SPAG16: variants seen among roughly 807,000 people sequenced by gnomAD.
The protein encoded by SPAG16 is sperm associated antigen 16.
SPAG16 carries 86 observed loss-of-function variants against 80.4 expected under a neutral mutation model. That is an observed-to-expected ratio of 1.07 (90% CI 0.90 to 1.28). The LOEUF is 1.28. Ranked by LOEUF, SPAG16 falls within the 50% of genes most tolerant of loss-of-function variation. SPAG16 has a pLI of 0.00. For synonymous variants in SPAG16, 294 were observed against 265.9 expected, an observed-to-expected ratio of 1.11 and a Z score of -1.03; for missense variants, 870 against 765.3, an observed-to-expected ratio of 1.14 and a Z score of -1.61.
In SPAG16 at chr2:213,340,843, G is replaced by T. The variant is rs551910988; in HGVS notation, c.644+573G>T. Among the ~76,000 whole-genome samples, 15 of 152,134 alleles carry T rather than the reference G, an allele frequency of 9.9e-5. No individual in the cohort carries two copies. In the South Asian group the frequency reaches 2.9e-3, roughly 29 times the overall value. On this transcript the variant is annotated intron_variant, in intron 6 of 15. Coordinates refer to ENST00000331683, the MANE Select transcript of SPAG16 (RefSeq NM_024532.5). ...TTACCTTCCTCCCCTACAAAAACAA[G>T]AAAATAAATTTACAATCCTTAAATA...
chr2:214,012,922 G>T (rs563298440), intron 12 of SPAG16, among the ~76,000 whole-genome samples: 62 of 152,292 alleles, frequency 4.1e-4, no homozygotes, highest in African/African-American at 1.3e-3. Context: ...AACACAGATT[G>T]CTGGGGCCTC....
chr2:213,294,261 C>T (rs1327540824), intron 1 of SPAG16, among the ~76,000 whole-genome samples: 2 of 152,084 alleles, frequency 1.3e-5, no homozygotes, highest in Non-Finnish European at 2.9e-5. Context: ...TAAGAAGTAA[C>T]AGAGTAGCTT....
intron 15 of SPAG16, among the ~76,000 whole-genome samples, chr2:214,392,355 C>A (rs1701133905): frequency 6.6e-6 from 1 of 151,938 alleles, no homozygotes; most frequent in Admixed American, 6.6e-5. Context: ...TGAGTCTCAC[C>A]ATGTTGGCCA....
intron 10 of SPAG16, among the ~76,000 whole-genome samples, chr2:213,552,910 C>A (rs756338967): frequency 6.6e-6 from 1 of 152,048 alleles, no homozygotes; most frequent in Non-Finnish European, 1.5e-5. Context: ...ACATCAAATT[C>A]TTTGGCTTTT....
chr2:213,388,523 A>C (rs57668640), intron 9 of SPAG16, among the ~76,000 whole-genome samples: 12,662 of 152,244 alleles, frequency 0.083, 1,753 homozygotes, highest in African/African-American at 0.29. Flanking sequence ...CTGAGAAAAC[A>C]GTAAGGTTAC....
At chr2:213,531,359 A>AGTGTGT (rs56011234) in intron 10 of SPAG16, among the ~76,000 whole-genome samples, 17,638 of 141,940 alleles carry the variant, frequency 0.12, 1,130 homozygotes, top group South Asian at 0.16. Context: ...AAAAGATGTG[A>AGTGTGT]GTGTGTGTGT....
At chr2:214,043,208 C>A (rs2049129053) in intron 13 of SPAG16, among the ~76,000 whole-genome samples, 1 of 151,594 alleles carries the variant, frequency 6.6e-6, no homozygotes, top group Non-Finnish European at 1.5e-5. Context: ...TTATGAAACA[C>A]CCTCATTTAA....
At chr2:213,513,620 T>A (rs2075315222) in intron 10 of SPAG16, among the ~76,000 whole-genome samples, 1 of 152,112 alleles carries the variant, frequency 6.6e-6, no homozygotes, top group Non-Finnish European at 1.5e-5. Flanking sequence ...GGATGGGAGT[T>A]TTATGGCCAG....
intron 13 of SPAG16, among the ~76,000 whole-genome samples, chr2:214,059,224 A>G (rs1230414468): frequency 8.3e-4 from 57 of 68,896 alleles, no homozygotes; most frequent in African/African-American, 1.3e-3. Context: ...ATGTATGTGT[A>G]TATATATATA....
chr2:214,105,914 A>G (rs1157752847), intron 13 of SPAG16, among the ~76,000 whole-genome samples: 1 of 152,276 alleles, frequency 6.6e-6, no homozygotes, highest in East Asian at 1.9e-4. Context: ...TCTTCGAGTC[A>G]GGTTTTGTTA....
At chr2:213,412,053 G>C (rs564932911) in intron 9 of SPAG16, among the ~76,000 whole-genome samples, 5 of 151,576 alleles carry the variant, frequency 3.3e-5, no homozygotes, top group Admixed American at 6.6e-5. Flanking sequence ...AACCTTTTTC[G>C]TTTCCCTGAC....
chr2:213,364,162 A>T lies in SPAG16; in HGVS notation c.832+17A>T, dbSNP rs749221128. 1.4e-6 allele frequency: 2 copies of T among 1,442,504 alleles called. No individual in the cohort carries two copies. Among genetic ancestry groups the T allele is most frequent in the African/African-American group, 2.9e-5 (2 of 69,166 alleles). 89.4% of individuals were successfully genotyped at this position (1,442,504 alleles called of 1,614,324 possible). On this transcript the variant is annotated intron_variant, in intron 8 of 15. Coordinates refer to ENST00000331683, the MANE Select transcript of SPAG16 (RefSeq NM_024532.5). The stretch of plus-strand genomic sequence containing the variant: ...AAATTAAAGGTAAATGTAAAATGTG[A>T]TGAAGCTCTCATTTAATATAGTTTG...
intron 14 of SPAG16, among the ~76,000 whole-genome samples, chr2:214,142,084 A>G (rs973215554): frequency 6.6e-6 from 1 of 152,016 alleles, no homozygotes; most frequent in African/African-American, 2.4e-5. Context: ...TTATCTTTCA[A>G]TCTCTGTGTC....
chr2:213,912,062 G>A (rs1228286120), intron 11 of SPAG16, among the ~76,000 whole-genome samples: 1 of 152,028 alleles, frequency 6.6e-6, no homozygotes, highest in Non-Finnish European at 1.5e-5. Context: ...TCTGTAAACT[G>A]TATTTTACTG....
At chr2:213,461,292 G>T (rs1476636932) in intron 9 of SPAG16, among the ~76,000 whole-genome samples, 2 of 152,186 alleles carry the variant, frequency 1.3e-5, no homozygotes, top group African/African-American at 2.4e-5. Flanking sequence ...GCTTAGTATA[G>T]GGTGTTATAT....
At chr2:214,354,093 A>G in intron 15 of SPAG16, among the ~76,000 whole-genome samples, 1 of 143,820 alleles carries the variant, frequency 7.0e-6, no homozygotes, top group East Asian at 2.0e-4. Flanking sequence ...AAATATATAT[A>G]TGTACCCCAT....
chr2:213,325,821 T>G (rs1320489392), intron 5 of SPAG16, among the ~76,000 whole-genome samples: 1 of 152,030 alleles, frequency 6.6e-6, no homozygotes, highest in Non-Finnish European at 1.5e-5. Context: ...TGTTGCATTT[T>G]CAGTTCCATA....
intron 12 of SPAG16, among the ~76,000 whole-genome samples, chr2:213,952,009 C>T (rs1256663732): frequency 6.6e-6 from 1 of 152,098 alleles, no homozygotes; most frequent in African/African-American, 2.4e-5. Flanking sequence ...CATAGAGTGG[C>T]TTTCATGATA....
chr2:214,108,479 AC>A (rs1553719294), intron 14 of SPAG16, among the ~76,000 whole-genome samples: 1,491 of 52,366 alleles, frequency 0.028, 14 homozygotes, highest in African/African-American at 0.041. Context: ...ACACACACAC[AC>A]CCCCACACAC....
Sources: gnomAD v4.1 joint callset for allele counts (sites outside exome capture counted in the v4.1 genomes callset) on GRCh38, gnomAD v4.1.1 for gene constraint, MANE v1.5 for transcripts, NCBI Gene and HGNC (gene_info 2026-07-23, HGNC 2026-07-21) for gene names.